Variants in MARK1 observed in about 807,000 individuals in gnomAD.
The protein encoded by MARK1 is serine/threonine-protein kinase MARK1.
MARK1 carries 40 observed loss-of-function variants against 96.3 expected under a neutral mutation model. The ratio of observed to expected loss-of-function variants is 0.42; its 90% CI spans 0.32 to 0.54. The LOEUF (loss-of-function observed/expected upper bound fraction) is 0.54, where lower values mean the gene tolerates loss of function less well. MARK1 is among the 20% of genes least tolerant of loss of function. The pLI, the probability that MARK1 is intolerant of heterozygous loss-of-function variation, is 0.16. For missense variants in MARK1, 719 were observed against 984.6 expected (o/e 0.73, Z 3.61); for synonymous variants, 317 against 341.2 (o/e 0.93, Z 0.78).
At chr1:220,567,283 G>T (rs1349435711) in intron 1 of MARK1, among the ~76,000 whole-genome samples, 1 of 152,042 alleles carries the variant, frequency 6.6e-6, no homozygotes. Context: ...ATATTTTATT[G>T]CAGTGAATGT....
chr1:220,534,074 A>G (rs1660514594), intron 1 of MARK1, among the ~76,000 whole-genome samples: 1 of 152,080 alleles, frequency 6.6e-6, no homozygotes, highest in Non-Finnish European at 1.5e-5. Context: ...TTAAGTGTGC[A>G]GTACAGTATT....
chr1:220,539,529 T>A (rs1387005452), intron 1 of MARK1, among the ~76,000 whole-genome samples: 1 of 152,162 alleles, frequency 6.6e-6, no homozygotes, highest in African/African-American at 2.4e-5. Flanking sequence ...CTTTTTTATG[T>A]TGATGTAATT....
chr1:220,643,287 G>A (rs911931329), intron 13 of MARK1, among the ~76,000 whole-genome samples: 4 of 152,114 alleles, frequency 2.6e-5, no homozygotes, highest in Non-Finnish European at 5.9e-5. Flanking sequence ...AACACAGCAC[G>A]ATGCAAACAC....
chr1:220,660,011 C>T (rs980851607), intron 17 of MARK1, among the ~76,000 whole-genome samples: 1 of 152,244 alleles, frequency 6.6e-6, no homozygotes, highest in African/African-American at 2.4e-5. Flanking sequence ...TGGTCTCAAA[C>T]TCCTGAGCTC....
At position 220,608,690 on chromosome 1, in the gene MARK1, A is replaced by G. The variant is rs113609164; in HGVS notation, c.495+4553A>G. ...ATCTTTCATGCTTTCTCTTGTGGGC[A>G]TTTAGTGCTACACATTCCCTCTACA... is the stretch of plus-strand genomic sequence containing the variant. On this transcript the variant is annotated intron_variant, in intron 6 of 17. Transcript: ENST00000366917. Among the ~76,000 whole-genome samples the G allele has an allele frequency of 7.9e-5, 12 of 152,258 alleles. No individual in the cohort carries two copies. In the East Asian group the frequency reaches 2.1e-3, roughly 27 times the overall value.
At chr1:220,546,511 C>T (rs1661500484) in intron 1 of MARK1, among the ~76,000 whole-genome samples, 1 of 152,102 alleles carries the variant, frequency 6.6e-6, no homozygotes, top group Admixed American at 6.5e-5. Flanking sequence ...GGTGATTGGT[C>T]TTTGTGATTT....
chr1:220,555,723 A>G (rs1245934632), intron 1 of MARK1, among the ~76,000 whole-genome samples: 1 of 152,224 alleles, frequency 6.6e-6, no homozygotes, highest in Non-Finnish European at 1.5e-5. Flanking sequence ...CGATATCCAT[A>G]TGGAGATGTC....
intron 1 of MARK1, 33 bp downstream of exon 1, chr1:220,528,906 G>A: frequency 6.5e-7 from 1 of 1,540,974 alleles, no homozygotes; most frequent in South Asian, 1.2e-5. Context: ...GGGAGCAGTG[G>A]GGGCGAGACC....
At chr1:220,558,103 A>C (rs536346737) in intron 1 of MARK1, among the ~76,000 whole-genome samples, 1 of 150,546 alleles carries the variant, frequency 6.6e-6, no homozygotes, top group South Asian at 2.1e-4. Context: ...AACACACTCC[A>C]GCCTGGGCAA....
chr1:220,600,161 TATC>T (rs1201423685), intron 5 of MARK1, among the ~76,000 whole-genome samples: 1 of 152,152 alleles, frequency 6.6e-6, no homozygotes, highest in Non-Finnish European at 1.5e-5. Flanking sequence ...TACTATATCA[TATC>T]ATGATTAGAA....
intron 1 of MARK1, among the ~76,000 whole-genome samples, chr1:220,558,911 A>G (rs1302835280): frequency 1.3e-5 from 2 of 152,164 alleles, no homozygotes; most frequent in African/African-American, 2.4e-5. Flanking sequence ...TGCAACTAGG[A>G]TGAAAATTTA....
intron 3 of MARK1, among the ~76,000 whole-genome samples, chr1:220,585,416 G>A (rs1220231336): frequency 1.3e-5 from 2 of 152,144 alleles, no homozygotes; most frequent in Non-Finnish European, 2.9e-5. Context: ...AATATCAACA[G>A]TTTAAATGTT....
At chr1:220,633,345 G>C (rs1301291762) in intron 11 of MARK1, among the ~76,000 whole-genome samples, 2 of 151,536 alleles carry the variant, frequency 1.3e-5, no homozygotes, top group Non-Finnish European at 2.9e-5. Flanking sequence ...AGATCGCAGA[G>C]CATTAACAAT....
intron 6 of MARK1, among the ~76,000 whole-genome samples, chr1:220,614,925 A>G (rs1454913502): frequency 1.3e-5 from 2 of 152,108 alleles, no homozygotes; most frequent in Admixed American, 1.3e-4. Context: ...TCCTATTAGC[A>G]TGGTCATACT....
intron 13 of MARK1, among the ~76,000 whole-genome samples, chr1:220,649,297 C>T (rs1052008308): frequency 1.9e-4 from 29 of 151,788 alleles, no homozygotes; most frequent in African/African-American, 6.3e-4. Flanking sequence ...AATCACAGCT[C>T]ACTGTATTCT....
At chr1:220,590,257 A>C (rs1429224743) in intron 3 of MARK1, among the ~76,000 whole-genome samples, 2 of 152,198 alleles carry the variant, frequency 1.3e-5, no homozygotes, top group African/African-American at 4.8e-5. Flanking sequence ...ATTGGCCAAA[A>C]TTCTCTAGAT....
In MARK1 at chr1:220,634,418, C is replaced by G. The variant is rs181411186; in HGVS notation, c.1123-958C>G. On this transcript the variant is annotated intron_variant, in intron 11 of 17. Transcript: ENST00000366917. ...CCCCTGCCCTACCCCAGCACAACCA[C>G]TAACTATGCAACTAAGGCAATTAAT... Among the ~76,000 whole-genome samples the G allele has an allele frequency of 1.1e-3, 167 of 152,290 alleles. 2 individuals are homozygous for G. The highest frequency in any genetic ancestry group is 3.9e-4 in the Admixed American group (6 of 15,282).
intron 6 of MARK1, among the ~76,000 whole-genome samples, chr1:220,615,375 G>T (rs933019264): frequency 6.6e-5 from 10 of 152,056 alleles, no homozygotes; most frequent in Non-Finnish European, 1.0e-4. Flanking sequence ...TTCTGTTGCT[G>T]ATCAGGTTTC....
At chr1:220,624,297 C>A in intron 9 of MARK1, among the ~76,000 whole-genome samples, 1 of 114,810 alleles carries the variant, frequency 8.7e-6, no homozygotes, top group Non-Finnish European at 1.8e-5. Flanking sequence ...GATTCCATCT[C>A]AAAAAAAAAA....
Sources: allele counts gnomAD v4.1 joint callset (sites outside exome capture counted in the v4.1 genomes callset), GRCh38; gene constraint gnomAD v4.1.1; transcripts MANE v1.5; gene names NCBI Gene and HGNC (gene_info 2026-07-23, HGNC 2026-07-21).